Variants in SLC4A4 observed in about 807,000 individuals in gnomAD.
SLC4A4 encodes solute carrier family 4 member 4, also known as electrogenic sodium bicarbonate cotransporter 1.
SLC4A4 carries 27 observed loss-of-function variants against 111.5 expected under a neutral mutation model. The observed-to-expected ratio is 0.24, with a 90% CI of 0.18 to 0.33. The LOEUF is 0.33. Ranked by LOEUF, SLC4A4 falls within the 10% of genes least tolerant of loss-of-function variation. SLC4A4 has a pLI of 1.00. For missense variants in SLC4A4, 909 were observed against 1,315.5 expected (o/e 0.69, Z 4.78); for synonymous variants, 443 against 463.4 (o/e 0.96, Z 0.57).
At chr4:71,530,315 A>G (rs1733809429) in intron 16 of SLC4A4, among the ~76,000 whole-genome samples, 1 of 152,138 alleles carries the variant, frequency 6.6e-6, no homozygotes, top group Admixed American at 6.6e-5. Context: ...AAGCACTTTC[A>G]TGGCTTTTCT....
chr4:71,180,774 G>T (rs1454337639), intron 2 of SLC4A4, among the ~76,000 whole-genome samples: 1 of 152,176 alleles, frequency 6.6e-6, no homozygotes, highest in Non-Finnish European at 1.5e-5. Context: ...TTCAACCATT[G>T]TGGAAGTCAG....
At chr4:71,168,348 A>T (rs538057327) in intron 2 of SLC4A4, among the ~76,000 whole-genome samples, 1 of 151,080 alleles carries the variant, frequency 6.6e-6, no homozygotes, top group Non-Finnish European at 1.5e-5. Flanking sequence ...TGCCTGGCTA[A>T]TTTTTTGTAT....
In SLC4A4 at chr4:71,489,722, A is replaced by G. The variant is rs1431097819; in HGVS notation, c.1974+2704A>G. ...TCCTATCCTGAACCTTTCCTAGGAC[A>G]CACAGTCATCAGGACTTAATTTTCC... On this transcript the variant is annotated intron_variant, in intron 15 of 25. Coordinates refer to ENST00000264485, the MANE Select transcript of SLC4A4 (RefSeq NM_001098484.3). Among the ~76,000 whole-genome samples the G allele has an allele frequency of 1.3e-5, 2 of 151,696 alleles. 1 individual carries two copies. Among genetic ancestry groups the G allele is most frequent in the Admixed American group, 1.3e-4 (2 of 15,184 alleles).
chr4:71,499,721 GATAACATAAT>G (rs1730734840), intron 16 of SLC4A4, among the ~76,000 whole-genome samples: 1 of 35,718 alleles, frequency 2.8e-5, no homozygotes, highest in Non-Finnish European at 2.2e-4. Flanking sequence ...ATGTCTTCCA[GATAACATAAT>G]GTTATCCAAA....
intron 2 of SLC4A4, among the ~76,000 whole-genome samples, chr4:71,116,296 T>C (rs1578494888): frequency 6.6e-6 from 1 of 152,238 alleles, no homozygotes; most frequent in East Asian, 1.9e-4. Flanking sequence ...GTAGCTTATG[T>C]AGTTTGTCAA....
intron 1 of SLC4A4, among the ~76,000 whole-genome samples, chr4:71,083,623 A>G (rs1340441913): frequency 6.6e-6 from 1 of 151,980 alleles, no homozygotes; most frequent in Non-Finnish European, 1.5e-5. Context: ...CCCTGAAACG[A>G]TGACCTGAAG....
intron 14 of SLC4A4, 87 bp downstream of exon 14, chr4:71,473,057 C>T: frequency 7.1e-7 from 1 of 1,401,888 alleles, no homozygotes; most frequent in Non-Finnish European, 1.0e-6. Flanking sequence ...AACATGCTGT[C>T]ATGGTCCTCA....
At chr4:71,140,603 A>G (rs571663227) in intron 2 of SLC4A4, among the ~76,000 whole-genome samples, 1 of 151,830 alleles carries the variant, frequency 6.6e-6, no homozygotes, top group Admixed American at 6.6e-5. Flanking sequence ...CCCCAACCCC[A>G]CTCACTGCCC....
In SLC4A4 at chr4:71,175,350, G is replaced by A. The variant is rs575599194; in HGVS notation, c.-1-61226G>A. On this transcript the variant is annotated intron_variant, in intron 2 of 26. Coordinates refer to the SLC4A4 transcript ENST00000649996. ...GGGATTGTTGGACAGTGGGTGCAGC[G>A]CACCAAGCGTGAGCCGAAGCAGGGC... is the stretch of plus-strand genomic sequence containing the variant. Among the ~76,000 whole-genome samples, 218 of 152,300 alleles carry A rather than the reference G, an allele frequency of 1.4e-3. 1 individual carries two copies. Among genetic ancestry groups the A allele is most frequent in the Non-Finnish European group, 2.3e-3 (158 of 68,008 alleles).
chr4:71,191,383 G>A (rs1745726266), intron 1 of SLC4A4, among the ~76,000 whole-genome samples: 2 of 152,288 alleles, frequency 1.3e-5, no homozygotes, highest in South Asian at 4.1e-4. Flanking sequence ...GGATTGTTAT[G>A]CTTATTGAGA....
At chr4:71,333,169 C>G (rs187203622) in intron 3 of SLC4A4, among the ~76,000 whole-genome samples, 6 of 152,342 alleles carry the variant, frequency 3.9e-5, no homozygotes, top group East Asian at 1.9e-4. Context: ...GAAAGCTTTT[C>G]AAGCATTCAA....
At chr4:71,385,701 T>C (rs1718650375) in intron 6 of SLC4A4, among the ~76,000 whole-genome samples, 1 of 152,168 alleles carries the variant, frequency 6.6e-6, no homozygotes, top group African/African-American at 2.4e-5. Context: ...ATTTTAAAAA[T>C]TGCCTATTGT....
chr4:71,553,668 C>T (rs1241949376), intron 20 of SLC4A4, among the ~76,000 whole-genome samples: 2 of 151,084 alleles, frequency 1.3e-5, no homozygotes, highest in African/African-American at 4.9e-5. Flanking sequence ...CAAAGCTATG[C>T]AATGATCCTT....
At chr4:71,312,439 T>C (rs1468228921) in intron 3 of SLC4A4, among the ~76,000 whole-genome samples, 1 of 152,224 alleles carries the variant, frequency 6.6e-6, no homozygotes, top group Admixed American at 6.5e-5. Context: ...AGCATCATCC[T>C]GATTCGAAAA....
At chr4:71,191,870 A>T (rs1745747561) in intron 1 of SLC4A4, among the ~76,000 whole-genome samples, 1 of 152,216 alleles carries the variant, frequency 6.6e-6, no homozygotes, top group African/African-American at 2.4e-5. Flanking sequence ...TTGTGTGGAA[A>T]AGGTATACTC....
intron 7 of SLC4A4, among the ~76,000 whole-genome samples, chr4:71,436,093 A>G (rs144387570): frequency 0.025 from 3,814 of 152,324 alleles, 159 homozygotes; most frequent in East Asian, 0.15. Context: ...ATTCTGCTAT[A>G]AAGACACATG....
At chr4:71,459,123 TTTGA>T (rs1222470032) in intron 12 of SLC4A4, among the ~76,000 whole-genome samples, 1 of 152,050 alleles carries the variant, frequency 6.6e-6, no homozygotes, top group Non-Finnish European at 1.5e-5. Flanking sequence ...TTAAATCCTG[TTTGA>T]TTGAGGTTAA....
chr4:71,399,661 G>A (rs1292172475), intron 7 of SLC4A4, among the ~76,000 whole-genome samples: 4 of 151,838 alleles, frequency 2.6e-5, no homozygotes, highest in African/African-American at 9.7e-5. Context: ...AAAATGGTTA[G>A]TGGCTTCCCA....
intron 2 of SLC4A4, among the ~76,000 whole-genome samples, chr4:71,179,886 A>G (rs181554077): frequency 8.5e-5 from 13 of 152,312 alleles, no homozygotes; most frequent in Admixed American, 1.3e-4. Flanking sequence ...AAGAGCCCAC[A>G]TTGCCAAGTC....
Sources: allele counts gnomAD v4.1 joint callset (sites outside exome capture counted in the v4.1 genomes callset), GRCh38; gene constraint gnomAD v4.1.1; transcripts MANE v1.5; gene names NCBI Gene and HGNC (gene_info 2026-07-23, HGNC 2026-07-21).